The following PROSER2 variants were observed in gnomAD, a reference collection of about 807,000 sequenced individuals.
PROSER2 encodes proline and serine-rich protein 2.
A neutral mutation model predicts 14.6 loss-of-function variants in PROSER2; 18 were observed. The ratio of observed to expected loss-of-function variants is 1.23; its 90% confidence interval spans 0.85 to 1.83. The LOEUF is 1.83. Ranked by LOEUF, PROSER2 falls within the 40% of genes most tolerant of loss-of-function variation. The pLI, the probability that PROSER2 is intolerant of heterozygous loss-of-function variation, is 0.00. For missense variants in PROSER2, 823 were observed against 629.8 expected (o/e 1.31, Z -3.28); for synonymous variants, 367 against 286.4 (o/e 1.28, Z -2.84).
chr10:11,861,387 A>AGGGCAG (rs1834235240), intron 2 of PROSER2, among the ~76,000 whole-genome samples: 1 of 152,106 alleles, frequency 6.6e-6, no homozygotes, highest in African/African-American at 2.4e-5. Flanking sequence ...TGCTGATCTT[A>AGGGCAG]TCTGAAGCCC....
chr10:11,852,061 C>T lies in PROSER2; in HGVS notation c.-17C>T. 6.3e-7 allele frequency: 1 copy of T among 1,599,744 alleles called. No individual in the cohort carries two copies. Among genetic ancestry groups the T allele is most frequent in the Non-Finnish European group, 8.5e-7 (1 of 1,172,272 alleles). The stretch of plus-strand genomic sequence containing the variant: ...CCTGCTTCCTGTGATCGAGCCGGCC[C>T]TGAGGACTCTGTGGAGATGCCTGTA... On this transcript the variant is annotated 5_prime_UTR_variant, in exon 2 of 4. Transcript: ENST00000277570.
chr10:11,861,308 C>G (rs1834232932), intron 2 of PROSER2, among the ~76,000 whole-genome samples: 1 of 152,138 alleles, frequency 6.6e-6, no homozygotes, highest in African/African-American at 2.4e-5. Context: ...GGCTTGGTAA[C>G]CATGCACGCC....
intron 1 of PROSER2, among the ~76,000 whole-genome samples, chr10:11,827,215 G>T (rs529306000): frequency 5.1e-4 from 77 of 151,598 alleles, no homozygotes; most frequent in African/African-American, 1.8e-3. Context: ...AAAAAATTCC[G>T]GTCCTCCTAG....
At chr10:11,840,491 T>A (rs1833821431) in intron 1 of PROSER2, among the ~76,000 whole-genome samples, 1 of 152,212 alleles carries the variant, frequency 6.6e-6, no homozygotes, top group Non-Finnish European at 1.5e-5. Context: ...CTCTTCTTTA[T>A]CATTATTTGG....
rs543094400 is a variant in PROSER2, at chr10:11,864,104, A to G, written c.139-2427A>G. 2.6e-5 allele frequency among the ~76,000 whole-genome samples: 4 copies of G among 152,358 alleles called. No individual in the cohort carries two copies. In the East Asian group the frequency reaches 7.7e-4, roughly 29 times the overall value. On this transcript the variant is annotated intron_variant, in intron 2 of 3. Coordinates refer to ENST00000277570, the MANE Select transcript of PROSER2 (RefSeq NM_153256.4). ...CTACCCTGCAGAGGCTTCCTCAGAC[A>G]GGCTGACATGGGAGATCAGATTGAA... is the stretch of plus-strand genomic sequence containing the variant.
Position 11,866,875 on chromosome 10 carries a change from G to A in PROSER2, c.391+92G>A, listed in dbSNP as rs1283024819. ...CTTTTGTGTTCCCCTGTGTTTGCCA[G>A]TAGAAGTTGTTGAGTCTTACCAGAT... On this transcript the variant is annotated intron_variant, in intron 3 of 3. Coordinates refer to ENST00000277570, the MANE Select transcript of PROSER2 (RefSeq NM_153256.4). This position sits in a 1 kb window ranked among gnomAD's most constrained non-coding sequence, Gnocchi z 6.0. 6 of 1,442,114 alleles carry A rather than the reference G, an allele frequency of 4.2e-6. No individual in the cohort carries two copies. The highest frequency in any genetic ancestry group is 5.5e-6 in the Non-Finnish European group (6 of 1,083,660). The allele number at this position is 1,442,114 out of a possible 1,614,324, so 89.3% of individuals were successfully genotyped here.
chr10:11,871,168 T>C lies in PROSER2; in HGVS notation c.*762T>C, dbSNP rs1834483076. ...TGCATAGGTATCCTGTGTGTCCACATGCATCATTATTATATAAATAGAAAC... is the reference window on the plus strand; with the variant it reads ...TGCATAGGTATCCTGTGTGTCCACACGCATCATTATTATATAAATAGAAAC... On this transcript the variant is annotated 3_prime_UTR_variant, in exon 4 of 4. Transcript: ENST00000277570. 6.6e-6 allele frequency: 1 copy of C among 152,218 alleles called. No individual in the cohort carries two copies. The highest frequency in any genetic ancestry group is 1.5e-5 in the Non-Finnish European group (1 of 68,046). 9.4% of individuals were successfully genotyped at this position (152,218 alleles called of 1,614,324 possible). A position where few individuals can be genotyped will look rare whatever the true frequency, so the allele number is the denominator to read the frequency against.
rs571905629 is a variant in PROSER2, at chr10:11,836,422, C to T, written c.-82+12952C>T. Among the ~76,000 whole-genome samples the T allele has an allele frequency of 6.6e-6, 1 of 152,252 alleles. No homozygotes were observed. Among genetic ancestry groups the T allele is most frequent in the African/African-American group, 2.4e-5 (1 of 41,520 alleles). On this transcript the variant is annotated intron_variant, in intron 1 of 3. Transcript: ENST00000277570. The surrounding 1 kb of genome is among the most constrained non-coding windows in gnomAD (Gnocchi z 4.6). ...ATGTTAGCCAGGCTGGTCTCGATCT[C>T]CTGACCTCAGGTGATCCTCCCACCT... is the stretch of plus-strand genomic sequence containing the variant.
At chr10:11,852,797 T>C (rs184142828) in intron 2 of PROSER2, among the ~76,000 whole-genome samples, 2 of 150,772 alleles carry the variant, frequency 1.3e-5, no homozygotes, top group Admixed American at 1.3e-4. Context: ...GCTGGGATTA[T>C]AGGCGTGAGC....
rs1265018512 is a variant in PROSER2, at chr10:11,837,156, GAAGCTACC to G, written c.-82+13690_-82+13697del. ...GCTGGTAATTTGTATATGCTGAAGA[GAAGCTACC>G]AAGTGCTTCCTTTAAGTGAAAAGAT... is the stretch of plus-strand genomic sequence containing the variant. On this transcript the variant is annotated intron_variant, in intron 1 of 3. Coordinates refer to ENST00000277570, the MANE Select transcript of PROSER2 (RefSeq NM_153256.4). This position sits in a 1 kb window ranked among gnomAD's most constrained non-coding sequence, Gnocchi z 4.6. 2.0e-5 allele frequency among the ~76,000 whole-genome samples: 3 copies of G among 152,144 alleles called. No homozygotes were observed. The highest frequency in any genetic ancestry group is 7.2e-5 in the African/African-American group (3 of 41,418).
Position 11,866,424 on chromosome 10 carries a change from A to G in PROSER2, c.139-107A>G. The stretch of plus-strand genomic sequence containing the variant: ...GGCAGGGTACTCTCGGGACACAGTG[A>G]GTTCCGCCCTGGGCTGTGGACCAAT... On this transcript the variant is annotated intron_variant, in intron 2 of 3. Coordinates refer to ENST00000277570, the MANE Select transcript of PROSER2 (RefSeq NM_153256.4). This position sits in a 1 kb window ranked among gnomAD's most constrained non-coding sequence, Gnocchi z 6.0. 1 of 1,351,772 alleles carries G rather than the reference A, an allele frequency of 7.4e-7. No homozygotes were observed. Among genetic ancestry groups the G allele is most frequent in the African/African-American group, 1.4e-5 (1 of 69,408 alleles). The allele number at this position is 1,351,772 out of a possible 1,614,324, so 83.7% of individuals were successfully genotyped here. A position where few individuals can be genotyped will look rare whatever the true frequency, so the allele number is the denominator to read the frequency against.
At chr10:11,835,862 C>T (rs1564302545) in intron 1 of PROSER2, among the ~76,000 whole-genome samples, 1 of 152,154 alleles carries the variant, frequency 6.6e-6, no homozygotes, top group Non-Finnish European at 1.5e-5. Context: ...TTTTCACCCA[C>T]CGCTTCCCCA....
intron 1 of PROSER2, among the ~76,000 whole-genome samples, chr10:11,845,762 T>C (rs372936831): frequency 6.6e-6 from 1 of 152,128 alleles, no homozygotes; most frequent in Non-Finnish European, 1.5e-5. Flanking sequence ...CCTTGCGTGC[T>C]GGGGTCTCAT....
rs1444477083 is a variant in PROSER2, at chr10:11,838,705, A to G, written c.-81-13292A>G. Among the ~76,000 whole-genome samples, 3 of 152,234 alleles carry G rather than the reference A, an allele frequency of 2.0e-5. No homozygotes were observed. Among genetic ancestry groups the G allele is most frequent in the African/African-American group, 7.2e-5 (3 of 41,460 alleles). Reference sequence around the variant, plus strand: ...TTTTTGCCACTCCAGTAGGTATTAAATAATGTAGTAGTTTTAGCTTGCACT... The same window carrying G: ...TTTTTGCCACTCCAGTAGGTATTAAGTAATGTAGTAGTTTTAGCTTGCACT... On this transcript the variant is annotated intron_variant, in intron 1 of 3. Transcript: ENST00000277570. This position sits in a 1 kb window ranked among gnomAD's most constrained non-coding sequence, Gnocchi z 4.4.
intron 1 of PROSER2, among the ~76,000 whole-genome samples, chr10:11,839,182 G>C (rs976377069): frequency 2.0e-5 from 3 of 152,178 alleles, no homozygotes; most frequent in African/African-American, 7.2e-5. Flanking sequence ...CTTGGCTTGA[G>C]GGCAGGGAGC....
At chr10:11,833,665 T>C (rs1471554223) in intron 1 of PROSER2, among the ~76,000 whole-genome samples, 2 of 152,158 alleles carry the variant, frequency 1.3e-5, no homozygotes, top group Admixed American at 1.3e-4. Context: ...CACTCCAGCC[T>C]GGGTGACAAG....
At chr10:11,842,840 C>T (rs72768227) in intron 1 of PROSER2, among the ~76,000 whole-genome samples, 151 of 150,246 alleles carry the variant, frequency 1.0e-3, no homozygotes, top group African/African-American at 3.4e-3. Context: ...TATACATGTA[C>T]ATATGTGTGC....
chr10:11,847,146 CAT>C (rs1197615645), intron 1 of PROSER2, among the ~76,000 whole-genome samples: 1 of 117,524 alleles, frequency 8.5e-6, no homozygotes, highest in Non-Finnish European at 1.9e-5. Flanking sequence ...AAAAGAAAAA[CAT>C]AAATAAATAT....
chr10:11,852,646 AGTACTGGGATTACAGGCTC>A (rs1235299847), intron 2 of PROSER2, among the ~76,000 whole-genome samples: 1 of 149,846 alleles, frequency 6.7e-6, no homozygotes, highest in Non-Finnish European at 1.5e-5. Context: ...CAGCCTCCCA[AGTACTGGGATTACAGGCTC>A]GTGCCACCAC....
Sources: allele counts gnomAD v4.1 joint callset (sites outside exome capture counted in the v4.1 genomes callset), GRCh38; gene constraint gnomAD v4.1.1; non-coding constraint Gnocchi (gnomAD v3.1); transcripts MANE v1.5; gene names NCBI Gene and HGNC (gene_info 2026-07-23, HGNC 2026-07-21).